Variants in NIM1K observed in about 807,000 individuals in gnomAD.
NIM1K encodes the protein NIM1 serine/threonine protein kinase, also known as serine/threonine-protein kinase NIM1.
In NIM1K, 35 loss-of-function variants were observed where a neutral mutation model predicts 37.1. The observed-to-expected ratio is 0.94, with a 90% CI of 0.72 to 1.25. The LOEUF (loss-of-function observed/expected upper bound fraction) is 1.25, where lower values mean the gene tolerates loss of function less well. Ranked by LOEUF, NIM1K falls within the 50% of genes most tolerant of loss-of-function variation. NIM1K has a pLI of 0.00. For synonymous variants in NIM1K, 234 were observed against 206.6 expected (o/e 1.13, Z -1.14); for missense variants, 564 against 548.0 (o/e 1.03, Z -0.29).
intron 1 of NIM1K, among the ~76,000 whole-genome samples, chr5:43,244,453 AC>A (rs1340771090): frequency 1.3e-5 from 2 of 152,204 alleles, no homozygotes; most frequent in African/African-American, 4.8e-5. Context: ...CAGAAAAAAA[AC>A]ATCCCGATGA....
chr5:43,229,319 G>A (rs1296644336), intron 1 of NIM1K, among the ~76,000 whole-genome samples: 1 of 147,126 alleles, frequency 6.8e-6, no homozygotes, highest in Non-Finnish European at 1.5e-5. Flanking sequence ...GGGAGGTGGA[G>A]GTTGCAGTGA....
intron 1 of NIM1K, among the ~76,000 whole-genome samples, chr5:43,227,346 G>A (rs555786865): frequency 6.6e-6 from 1 of 152,096 alleles, no homozygotes; most frequent in South Asian, 2.1e-4. Flanking sequence ...GAGACAGAGC[G>A]AGACTCCGTT....
chr5:43,269,227 T>C (rs924633524), intron 2 of NIM1K, among the ~76,000 whole-genome samples: 1 of 148,712 alleles, frequency 6.7e-6, no homozygotes, highest in African/African-American at 2.5e-5. Context: ...GGAGAATTGC[T>C]TGTACCCGGG....
At chr5:43,226,178 T>G (rs921251395) in intron 1 of NIM1K, among the ~76,000 whole-genome samples, 1 of 152,186 alleles carries the variant, frequency 6.6e-6, no homozygotes, top group African/African-American at 2.4e-5. Flanking sequence ...TGAATGCCCT[T>G]TTAAGGGTTT....
At chr5:43,271,435 G>A (rs978762632) in intron 2 of NIM1K, among the ~76,000 whole-genome samples, 41 of 152,114 alleles carry the variant, frequency 2.7e-4, no homozygotes, top group African/African-American at 9.4e-4. Context: ...TTTAATTTCT[G>A]TGATTATATA....
At chr5:43,262,229 T>G (rs1230309229) in intron 2 of NIM1K, among the ~76,000 whole-genome samples, 2 of 152,244 alleles carry the variant, frequency 1.3e-5, no homozygotes, top group African/African-American at 4.8e-5. Flanking sequence ...TATTGATTCT[T>G]CCTATCCATG....
chr5:43,222,059 C>A (rs1299853194), intron 1 of NIM1K, among the ~76,000 whole-genome samples: 2 of 152,192 alleles, frequency 1.3e-5, no homozygotes, highest in African/African-American at 2.4e-5. Flanking sequence ...AGTGGACAGA[C>A]ACTACCTCTG....
At position 43,252,531 on chromosome 5, in the gene NIM1K, T is replaced by G. The variant is rs541531069; in HGVS notation, c.292+6464T>G. 2.6e-5 allele frequency among the ~76,000 whole-genome samples: 4 copies of G among 151,878 alleles called. No individual in the cohort carries two copies. The East Asian group carries it at 7.7e-4, about 29-fold the overall frequency. On this transcript the variant is annotated intron_variant, in intron 2 of 3. Transcript: ENST00000326035. ...GGAGATTCCCAGGAAAGCAGAGAGT[T>G]TCAGTGCCAGGAGCAGCTCCCAGGA...
intron 1 of NIM1K, among the ~76,000 whole-genome samples, chr5:43,226,481 C>T (rs916218920): frequency 6.6e-5 from 10 of 152,182 alleles, no homozygotes; most frequent in African/African-American, 2.4e-4. Context: ...GGATGTTTGG[C>T]TTCAGCTAGA....
At chr5:43,200,426 G>A (rs1277041155) in intron 1 of NIM1K, among the ~76,000 whole-genome samples, 8 of 151,932 alleles carry the variant, frequency 5.3e-5, no homozygotes, top group Non-Finnish European at 4.4e-5. Flanking sequence ...TCAGCCTCCC[G>A]AGTAGCTAGG....
intron 1 of NIM1K, among the ~76,000 whole-genome samples, chr5:43,195,489 C>T (rs1366541677): frequency 6.6e-6 from 1 of 151,916 alleles, no homozygotes; most frequent in Non-Finnish European, 1.5e-5. Context: ...GAGACCTTGT[C>T]TCTATAAAAA....
chr5:43,251,805 T>C (rs553932837), intron 2 of NIM1K, among the ~76,000 whole-genome samples: 1 of 152,354 alleles, frequency 6.6e-6, no homozygotes, highest in East Asian at 1.9e-4. Flanking sequence ...CTCAATGTTA[T>C]TGACCGCCTC....
At chr5:43,197,873 A>C (rs1230219651) in intron 1 of NIM1K, among the ~76,000 whole-genome samples, 1 of 152,250 alleles carries the variant, frequency 6.6e-6, no homozygotes, top group East Asian at 1.9e-4. Context: ...CTGTAGATTT[A>C]GTTATATCTA....
chr5:43,207,012 T>C, intron 1 of NIM1K: 1 of 748,474 alleles, frequency 1.3e-6, no homozygotes, highest in East Asian at 2.5e-5. Flanking sequence ...ACTGGGCGGG[T>C]AAAACAATTA....
intron 1 of NIM1K, among the ~76,000 whole-genome samples, chr5:43,228,178 G>A (rs988681477): frequency 1.2e-4 from 18 of 149,940 alleles, no homozygotes; most frequent in African/African-American, 3.2e-4. Context: ...TTGGAGTCTC[G>A]CTCTGTCGCC....
chr5:43,235,041 G>A (rs1015665882), intron 1 of NIM1K, among the ~76,000 whole-genome samples: 5 of 152,128 alleles, frequency 3.3e-5, no homozygotes, highest in African/African-American at 1.2e-4. Context: ...ATTTTAAACT[G>A]CATTTATAAT....
At chr5:43,225,044 A>C (rs1018470961) in intron 1 of NIM1K, among the ~76,000 whole-genome samples, 6 of 152,262 alleles carry the variant, frequency 3.9e-5, no homozygotes, top group African/African-American at 1.4e-4. Context: ...GGGCTGATAC[A>C]AAGTTGTTTT....
intron 2 of NIM1K, among the ~76,000 whole-genome samples, chr5:43,253,212 A>ATAATATAATATGTGTGTG: frequency 7.6e-6 from 1 of 131,740 alleles, no homozygotes; most frequent in East Asian, 2.3e-4. Flanking sequence ...AATATAATAT[A>ATAATATAATATGTGTGTG]TGTGTGTGTG....
At chr5:43,265,926 G>T (rs1579608716) in intron 2 of NIM1K, among the ~76,000 whole-genome samples, 1 of 152,190 alleles carries the variant, frequency 6.6e-6, no homozygotes, top group Non-Finnish European at 1.5e-5. Context: ...ACCAGCAGAG[G>T]CTGCAAAACA....
Sources: gnomAD v4.1 joint callset for allele counts (sites outside exome capture counted in the v4.1 genomes callset) on GRCh38, gnomAD v4.1.1 for gene constraint, MANE v1.5 for transcripts, NCBI Gene and HGNC (gene_info 2026-07-23, HGNC 2026-07-21) for gene names.